PLPP1: variants seen among roughly 807,000 people sequenced by gnomAD.
The protein encoded by PLPP1 is phospholipid phosphatase 1, also known as lipid phosphate phosphohydrolase 1a.
Under a neutral mutation model 31.2 loss-of-function variants are expected in PLPP1, and 24 were observed. The observed-to-expected ratio is 0.77, with a 90% CI of 0.56 to 1.08. The LOEUF (loss-of-function observed/expected upper bound fraction) is 1.08. PLPP1 is among the 50% of genes least tolerant of loss of function. The probability of loss-of-function intolerance (pLI) is 0.00; values close to 1 mark genes in which losing one functional copy is unlikely to be tolerated. For synonymous variants in PLPP1, 146 were observed against 126.3 expected, an observed-to-expected ratio of 1.16 and a Z score of -1.05; for missense variants, 319 against 342.7, an observed-to-expected ratio of 0.93 and a Z score of 0.55.
chr5:55,444,893 G>A (rs2111720011), intron 3 of PLPP1, among the ~76,000 whole-genome samples: 1 of 152,042 alleles, frequency 6.6e-6, no homozygotes, highest in African/African-American at 2.4e-5. Flanking sequence ...GGGACTACAG[G>A]TGCGCACCAC....
intron 3 of PLPP1, 58 bp from the exon 4 acceptor site, chr5:55,441,966 G>A: frequency 6.7e-7 from 1 of 1,503,048 alleles, no homozygotes; most frequent in Non-Finnish European, 9.2e-7. Context: ...AAGTATTGTT[G>A]ATTTCATAAA....
chr5:55,460,027 C>T (rs1752116562), intron 3 of PLPP1, among the ~76,000 whole-genome samples: 1 of 152,112 alleles, frequency 6.6e-6, no homozygotes, highest in African/African-American at 2.4e-5. Flanking sequence ...ATATGACATA[C>T]AAAATATGCA....
intron 2 of PLPP1, among the ~76,000 whole-genome samples, chr5:55,473,714 G>A (rs182851799): frequency 1.3e-4 from 20 of 152,170 alleles, no homozygotes; most frequent in African/African-American, 3.6e-4. Context: ...CTGGAATGCC[G>A]TGGTGCAATC....
At chr5:55,521,270 T>C (rs528059264) in intron 1 of PLPP1, among the ~76,000 whole-genome samples, 66 of 151,638 alleles carry the variant, frequency 4.4e-4, no homozygotes, top group African/African-American at 1.5e-3. Flanking sequence ...GGAAGATCGC[T>C]GGAATCCAGG....
At chr5:55,447,356 A>C (rs547692801) in intron 3 of PLPP1, among the ~76,000 whole-genome samples, 1 of 152,340 alleles carries the variant, frequency 6.6e-6, no homozygotes, top group African/African-American at 2.4e-5. Flanking sequence ...CAGGTATGCC[A>C]AAGTTGGTTC....
chr5:55,425,973 G>A lies in PLPP1; in HGVS notation c.616C>T (p.Leu206Phe). The change falls in exon 5 of 6, where the codon CTT becomes TTT. Residue 206 changes from leucine to phenylalanine, a missense_variant. Physicochemically the swap from Leu to Phe is conservative, Grantham distance 22. Transcript: ENST00000307259. ...CCCACATAAATGGATACGGCAACAA[G>A]ACCAAATTGCAGTGTGGGGCGTAAG... ...RLLRPTLQFG[L>F]VAVSIYVGLS... 1.9e-6 allele frequency: 3 copies of A among 1,613,876 alleles called. No individual in the cohort carries two copies. The highest frequency in any genetic ancestry group is 2.5e-6 in the Non-Finnish European group (3 of 1,179,918).
Position 55,435,946 on chromosome 5 carries a change from G to A in PLPP1, c.549+5905C>T, listed in dbSNP as rs182569806. Among the ~76,000 whole-genome samples, 78 of 151,608 alleles carry A rather than the reference G, an allele frequency of 5.1e-4. No homozygotes were observed. The East Asian group carries it at 0.011, about 22-fold the overall frequency. On this transcript the variant is annotated intron_variant, in intron 4 of 5. Coordinates refer to ENST00000307259, the MANE Select transcript of PLPP1 (RefSeq NM_003711.4). ...GGAGAACTGCTTGAACCCAGAAGGC[G>A]GAGGTTGCAGTGAGCCGTGATCACA...
chr5:55,488,005 G>A (rs544106125), intron 1 of PLPP1, among the ~76,000 whole-genome samples: 2 of 151,858 alleles, frequency 1.3e-5, no homozygotes, highest in African/African-American at 2.4e-5. Flanking sequence ...GGTATTGCAC[G>A]GCAGTTGTAG....
chr5:55,475,072 C>A (rs1177865579), intron 2 of PLPP1, among the ~76,000 whole-genome samples: 2 of 152,198 alleles, frequency 1.3e-5, no homozygotes, highest in East Asian at 1.9e-4. Flanking sequence ...TCTCGAGTAG[C>A]TGGGACTACA....
At chr5:55,526,916 A>G (rs1363199742) in intron 1 of PLPP1, among the ~76,000 whole-genome samples, 3 of 122,216 alleles carry the variant, frequency 2.5e-5, no homozygotes, top group Non-Finnish European at 4.8e-5. Context: ...TGGGCGACAG[A>G]GCGAGATTCC....
chr5:55,530,689 G>A, intron 1 of PLPP1: 6 of 1,589,810 alleles, frequency 3.8e-6, no homozygotes, highest in Non-Finnish European at 5.2e-6. Flanking sequence ...GCCCGTTCAG[G>A]GCATGCTCTC....
intron 3 of PLPP1, among the ~76,000 whole-genome samples, chr5:55,458,887 CAAAAAAAA>C (rs529067608): frequency 1.8e-3 from 39 of 21,106 alleles, no homozygotes; most frequent in Non-Finnish European, 3.3e-3. Flanking sequence ...ACCCTGTCTC[CAAAAAAAA>C]AAAAAAAAAA....
chr5:55,445,260 C>T (rs1561226225), intron 3 of PLPP1, among the ~76,000 whole-genome samples: 1 of 152,148 alleles, frequency 6.6e-6, no homozygotes, highest in African/African-American at 2.4e-5. Context: ...GCTCCAACAT[C>T]CACATCCATG....
intron 3 of PLPP1, among the ~76,000 whole-genome samples, chr5:55,448,049 A>G (rs1751806716): frequency 6.6e-6 from 1 of 152,214 alleles, no homozygotes; most frequent in African/African-American, 2.4e-5. Context: ...GACTGATCCT[A>G]TAAAAAAGTT....
At chr5:55,476,504 C>G (rs987794022) in intron 1 of PLPP1, among the ~76,000 whole-genome samples, 19 of 152,054 alleles carry the variant, frequency 1.2e-4, no homozygotes, top group African/African-American at 3.6e-4. Context: ...TGAACTTGAC[C>G]TACTGATTAA....
At chr5:55,457,716 C>G (rs1296523357) in intron 3 of PLPP1, among the ~76,000 whole-genome samples, 1 of 152,014 alleles carries the variant, frequency 6.6e-6, no homozygotes, top group African/African-American at 2.4e-5. Context: ...TGGTGAAACC[C>G]CATCTCTACT....
rs1034717905 is a variant in PLPP1, at chr5:55,521,371, G to T, written c.58+13201C>A. On this transcript the variant is annotated intron_variant, in intron 1 of 5. Transcript: ENST00000307259. ...TGTCTCAAAAAAAAAAAAAAAATTG[G>T]CCAGGCATGGTGGTGCACACCTGCA... Among the ~76,000 whole-genome samples the T allele has an allele frequency of 2.7e-5, 4 of 146,352 alleles. 1 individual carries two copies. The highest frequency in any genetic ancestry group is 1.0e-4 in the African/African-American group (4 of 39,168).
intron 1 of PLPP1, among the ~76,000 whole-genome samples, chr5:55,532,066 T>C (rs1051090306): frequency 1.3e-5 from 2 of 152,226 alleles, no homozygotes; most frequent in African/African-American, 2.4e-5. Context: ...TTTTATCTTA[T>C]TGACAGCTAT....
intron 1 of PLPP1, among the ~76,000 whole-genome samples, chr5:55,498,974 C>A (rs1753061871): frequency 6.6e-6 from 1 of 152,022 alleles, no homozygotes; most frequent in Non-Finnish European, 1.5e-5. Context: ...GAGCTCTCAG[C>A]AGCACCCCTC....
Sources: gnomAD v4.1 joint callset for allele counts (sites outside exome capture counted in the v4.1 genomes callset) on GRCh38, gnomAD v4.1.1 for gene constraint, MANE v1.5 for transcripts, NCBI Gene and HGNC (gene_info 2026-07-23, HGNC 2026-07-21) for gene names.